TENM2: variants seen among roughly 807,000 people sequenced by gnomAD.
The protein encoded by TENM2 is teneurin-2.
In TENM2, 52 loss-of-function variants were observed where a neutral mutation model predicts 245.2. The observed-to-expected ratio is 0.21, with a 90% confidence interval of 0.17 to 0.27. The LOEUF (loss-of-function observed/expected upper bound fraction) is 0.27, where lower values mean the gene tolerates loss of function less well. TENM2 is among the 10% of genes least tolerant of loss of function. The pLI is 1.00. For missense variants in TENM2, 3,046 were observed against 3,666.8 expected (o/e 0.83, Z 4.37); for synonymous variants, 1,363 against 1,438.9 (o/e 0.95, Z 1.19).
intron 14 of TENM2, among the ~76,000 whole-genome samples, chr5:168,193,867 T>A (rs115261110): frequency 0.01 from 1,567 of 152,196 alleles, 13 homozygotes; most frequent in Non-Finnish European, 0.016. Flanking sequence ...TTTAAAAGAG[T>A]CTAGCATTGT....
intron 3 of TENM2, among the ~76,000 whole-genome samples, chr5:167,878,919 G>T (rs1424590719): frequency 6.6e-6 from 1 of 151,916 alleles, no homozygotes; most frequent in Admixed American, 6.6e-5. Context: ...GTACTACTTT[G>T]GTCTTTGTCT....
At chr5:167,021,824 T>G in the TENM2 span, among the ~76,000 whole-genome samples, 1 of 152,316 alleles carries the variant, frequency 6.6e-6, no homozygotes, top group South Asian at 2.1e-4. Context: ...ACTAGCTGTG[T>G]TACCCTAGGG....
At chr5:168,179,134 G>GAAAA (rs35502066) in intron 13 of TENM2, among the ~76,000 whole-genome samples, 13 of 99,930 alleles carry the variant, frequency 1.3e-4, no homozygotes, top group Admixed American at 2.2e-4. Context: ...GACTCTGCCT[G>GAAAA]AAAAAAAAAA....
At chr5:167,143,801 A>G in the TENM2 span, among the ~76,000 whole-genome samples, 1 of 152,328 alleles carries the variant, frequency 6.6e-6, no homozygotes, top group African/African-American at 2.4e-5. Flanking sequence ...CGCTTTTAAA[A>G]GAACTAATTA....
Position 168,182,956 on chromosome 5 carries a change from G to A in TENM2, c.2570-7381G>A, listed in dbSNP as rs550578085. On this transcript the variant is annotated intron_variant, in intron 13 of 28. Coordinates refer to ENST00000518659, the Ensembl canonical transcript of TENM2. ...AGCGATTCTTCTGCCTCAGCCTCCCGAGTAGCCAGAACCACAAGTGCGCGC... is the reference window on the plus strand; with the variant it reads ...AGCGATTCTTCTGCCTCAGCCTCCCAAGTAGCCAGAACCACAAGTGCGCGC... Among the ~76,000 whole-genome samples the A allele has an allele frequency of 7.9e-5, 12 of 150,964 alleles. No homozygotes were observed. The South Asian group carries it at 1.7e-3, about 21-fold the overall frequency.
chr5:167,414,799 A>T (rs185096670), intron 2 of TENM2, among the ~76,000 whole-genome samples: 3 of 152,210 alleles, frequency 2.0e-5, no homozygotes, highest in Non-Finnish European at 2.9e-5. Context: ...GTTAAAGATC[A>T]CTCATCTTCA....
At chr5:167,115,187 C>T in the TENM2 span, among the ~76,000 whole-genome samples, 1 of 152,128 alleles carries the variant, frequency 6.6e-6, no homozygotes, top group Non-Finnish European at 1.5e-5. Flanking sequence ...AGGAAGGAGA[C>T]TCCGAAGAAG....
chr5:167,856,168 A>G (rs1371964676), intron 2 of TENM2, among the ~76,000 whole-genome samples: 1 of 152,114 alleles, frequency 6.6e-6, no homozygotes, highest in Non-Finnish European at 1.5e-5. Context: ...TTCTGGGATC[A>G]TAGGAGAAAT....
chr5:168,220,734 C>T (rs1304635361), intron 23 of TENM2, among the ~76,000 whole-genome samples: 2 of 152,124 alleles, frequency 1.3e-5, no homozygotes, highest in East Asian at 1.9e-4. Context: ...GCAGTGTGGT[C>T]AAGACCAACA....
At chr5:167,889,451 G>A (rs1774562972) in intron 3 of TENM2, among the ~76,000 whole-genome samples, 2 of 152,120 alleles carry the variant, frequency 1.3e-5, no homozygotes, top group Middle Eastern at 3.4e-3. Flanking sequence ...TTTTCTTCCC[G>A]TCTGTGGTAA....
chr5:167,389,853 T>A (rs1445933275), intron 2 of TENM2, among the ~76,000 whole-genome samples: 1 of 152,216 alleles, frequency 6.6e-6, no homozygotes, highest in Non-Finnish European at 1.5e-5. Flanking sequence ...ATATTTTTAT[T>A]CTGGCTTCCC....
chr5:168,256,850 A>G (rs1274149759), intron 27 of TENM2, among the ~76,000 whole-genome samples: 1 of 152,194 alleles, frequency 6.6e-6, no homozygotes, highest in African/African-American at 2.4e-5. Context: ...GAGGGTTCTT[A>G]TATATCCATA....
At chr5:167,874,709 G>A (rs931897118) in intron 2 of TENM2, among the ~76,000 whole-genome samples, 1 of 152,218 alleles carries the variant, frequency 6.6e-6, no homozygotes, top group African/African-American at 2.4e-5. Flanking sequence ...AGTATAGGTG[G>A]TGATTGTCCT....
intron 2 of TENM2, among the ~76,000 whole-genome samples, chr5:167,694,779 C>G (rs964420216): frequency 6.6e-6 from 1 of 152,064 alleles, no homozygotes; most frequent in South Asian, 2.1e-4. Context: ...ACTATAGAAG[C>G]TCACTGAAAC....
chr5:166,985,411 T>A, the TENM2 span, among the ~76,000 whole-genome samples: 1 of 152,184 alleles, frequency 6.6e-6, no homozygotes, highest in Admixed American at 6.5e-5. Flanking sequence ...CAGTTTTATT[T>A]TTAACCCCAC....
At chr5:168,191,716 G>A (rs1394328520) in intron 14 of TENM2, among the ~76,000 whole-genome samples, 1 of 152,096 alleles carries the variant, frequency 6.6e-6, no homozygotes, top group Non-Finnish European at 1.5e-5. Flanking sequence ...TCCAAGCAGG[G>A]AAGAAATACT....
At chr5:168,118,767 T>C (rs1795269467) in intron 10 of TENM2, among the ~76,000 whole-genome samples, 2 of 152,208 alleles carry the variant, frequency 1.3e-5, no homozygotes. Flanking sequence ...AATTGCTCTC[T>C]CTGCCTTTGT....
At chr5:167,844,403 T>C (rs1769841692) in intron 2 of TENM2, among the ~76,000 whole-genome samples, 1 of 152,244 alleles carries the variant, frequency 6.6e-6, no homozygotes, top group Non-Finnish European at 1.5e-5. Flanking sequence ...AGGGCCCATC[T>C]TGACAGCTCT....
intron 2 of TENM2, among the ~76,000 whole-genome samples, chr5:167,481,953 A>T (rs548150475): frequency 6.6e-6 from 1 of 152,166 alleles, no homozygotes; most frequent in Admixed American, 6.5e-5. Flanking sequence ...AATATTTCCT[A>T]TCTAGACCTT....
Sources: gnomAD v4.1 joint callset for allele counts (sites outside exome capture counted in the v4.1 genomes callset) on GRCh38, gnomAD v4.1.1 for gene constraint, MANE v1.5 for transcripts, NCBI Gene and HGNC (gene_info 2026-07-23, HGNC 2026-07-21) for gene names.